Variants in NEGR1 observed in about 807,000 individuals in gnomAD.
The protein encoded by NEGR1 is neuronal growth regulator 1.
In NEGR1, 10 loss-of-function variants were observed where a neutral mutation model predicts 40.9. The observed-to-expected ratio is 0.24, with a 90% CI of 0.15 to 0.42. The LOEUF is 0.42. NEGR1 is among the 10% of genes least tolerant of loss of function. NEGR1 has a pLI of 1.00. For synonymous variants in NEGR1, 185 were observed against 166.8 expected (o/e 1.11, Z -0.84); for missense variants, 352 against 438.9 (o/e 0.80, Z 1.77).
rs1324795522 is a variant in NEGR1 at position 71,660,087 on chromosome 1, A to T, written c.667+37921T>A. ...TATGGAATCAATGTAAATGTTGATCAATAGCAGATTGGATAAAGAAAATGT... is the reference window on the plus strand; with the variant it reads ...TATGGAATCAATGTAAATGTTGATCTATAGCAGATTGGATAAAGAAAATGT... On this transcript the variant is annotated intron_variant, in intron 4 of 6. Transcript: ENST00000357731. 2.0e-5 allele frequency among the ~76,000 whole-genome samples: 3 copies of T among 152,254 alleles called. No homozygotes were observed. The East Asian group carries it at 5.8e-4, about 29-fold the overall frequency.
intron 6 of NEGR1, among the ~76,000 whole-genome samples, chr1:71,463,813 A>G (rs1646728529): frequency 1.3e-5 from 2 of 152,174 alleles, no homozygotes; most frequent in African/African-American, 4.8e-5. Flanking sequence ...ATGCAGCTAC[A>G]TATTTTGTAC....
chr1:72,089,022 A>T (rs1648346995), intron 1 of NEGR1, among the ~76,000 whole-genome samples: 3 of 152,104 alleles, frequency 2.0e-5, no homozygotes, highest in African/African-American at 7.2e-5. Context: ...AGCAGTATTA[A>T]CAGAGCCATG....
chr1:72,269,328 G>C (rs1361146258), intron 1 of NEGR1, among the ~76,000 whole-genome samples: 1 of 151,612 alleles, frequency 6.6e-6, no homozygotes, highest in Non-Finnish European at 1.5e-5. Context: ...TCAAAGGAGT[G>C]AATCAAGGTG....
intron 1 of NEGR1, among the ~76,000 whole-genome samples, chr1:72,021,356 A>G (rs941484810): frequency 3.3e-5 from 5 of 152,132 alleles, no homozygotes; most frequent in Non-Finnish European, 7.4e-5. Flanking sequence ...ATCCAAATTT[A>G]TAAGTTAAAA....
intron 2 of NEGR1, among the ~76,000 whole-genome samples, chr1:71,849,933 C>A (rs1659547820): frequency 6.6e-6 from 1 of 152,036 alleles, no homozygotes; most frequent in South Asian, 2.1e-4. Flanking sequence ...CACTGGGAAA[C>A]CCATAAAAAT....
chr1:72,218,811 A>G (rs980854658), intron 1 of NEGR1, among the ~76,000 whole-genome samples: 1 of 151,698 alleles, frequency 6.6e-6, no homozygotes, highest in South Asian at 2.1e-4. Flanking sequence ...TTTAAAATAT[A>G]AAGAGAGCCC....
chr1:71,705,853 A>G (rs1398551791), intron 3 of NEGR1, among the ~76,000 whole-genome samples: 1 of 151,692 alleles, frequency 6.6e-6, no homozygotes, highest in Non-Finnish European at 1.5e-5. Context: ...AGAAGGAAGG[A>G]AGAGAGGAAG....
chr1:71,678,813 G>A (rs183701950), intron 4 of NEGR1, among the ~76,000 whole-genome samples: 40 of 152,184 alleles, frequency 2.6e-4, no homozygotes, highest in Admixed American at 2.0e-4. Context: ...TGGCAAATTC[G>A]GGGAACTGAA....
At chr1:71,699,593 A>C (rs1449864822) in intron 3 of NEGR1, among the ~76,000 whole-genome samples, 2 of 151,948 alleles carry the variant, frequency 1.3e-5, no homozygotes, top group Non-Finnish European at 2.9e-5. Flanking sequence ...TTTTTAAAAT[A>C]TAACTTAAAT....
Position 71,397,068 on chromosome 1 carries a change from A to C in NEGR1, c.*10378T>G, listed in dbSNP as rs1646217118. 1 of 161,228 alleles carries C rather than the reference A, an allele frequency of 6.2e-6. No homozygotes were observed. The highest frequency in any genetic ancestry group is 1.3e-5 in the Non-Finnish European group (1 of 75,564). The allele number at this position is 161,228 out of a possible 1,614,324, so 10.0% of individuals were successfully genotyped here. A position where few individuals can be genotyped will look rare whatever the true frequency, so the allele number is the denominator to read the frequency against. On this transcript the variant is annotated 3_prime_UTR_variant, in exon 7 of 7. Transcript: ENST00000357731. ...GACTTGTTGAATGGTTTTGACCAAA[A>C]TGCTGATAATGATATGGACAATAAA...
At chr1:71,502,334 A>G (rs940945173) in intron 6 of NEGR1, among the ~76,000 whole-genome samples, 1 of 152,204 alleles carries the variant, frequency 6.6e-6, no homozygotes, top group Non-Finnish European at 1.5e-5. Flanking sequence ...GCAACCCCAT[A>G]GTACTCGACC....
chr1:72,218,810 TAA>T lies in NEGR1; in HGVS notation c.176+63507_176+63508del, dbSNP rs796138877. Among the ~76,000 whole-genome samples, 163 of 152,102 alleles carry T rather than the reference TAA, an allele frequency of 1.1e-3. 1 individual carries two copies. The highest frequency in any genetic ancestry group is 3.6e-3 in the African/African-American group (151 of 41,524). ...GTGACAGTTAAAAGAATTTAAAATA[TAA>T]AGAGAGCCCTATTTGTTGCAGTCTT... On this transcript the variant is annotated intron_variant, in intron 1 of 6. Coordinates refer to ENST00000357731, the MANE Select transcript of NEGR1 (RefSeq NM_173808.3).
intron 1 of NEGR1, among the ~76,000 whole-genome samples, chr1:72,231,240 G>C (rs1654353644): frequency 6.6e-6 from 1 of 152,122 alleles, no homozygotes; most frequent in Non-Finnish European, 1.5e-5. Flanking sequence ...CACAACACTT[G>C]CCTCTCCATT....
Position 72,282,451 on chromosome 1 carries a change from T to C in NEGR1, c.44A>G (p.Gln15Arg), listed in dbSNP as rs1656297205. ...LLVQGACCSN[Q>R]WLAAVLLSLC... ...GCTGAGGAGCACCGCCGCCAGCCAC[T>C]GGTTCGAGCAACAAGCACCCTGCAC... Residue 15 changes from glutamine to arginine, a missense_variant, in exon 1 of 7, where the codon CAG becomes CGG. By Grantham distance (43) the Gln-to-Arg change is conservative. Coordinates refer to ENST00000357731, the MANE Select transcript of NEGR1 (RefSeq NM_173808.3). 1.2e-6 allele frequency: 2 copies of C among 1,613,648 alleles called. No homozygotes were observed. The highest frequency in any genetic ancestry group is 1.1e-5 in the South Asian group (1 of 91,064).
chr1:71,952,344 A>T (rs2768386), intron 1 of NEGR1, among the ~76,000 whole-genome samples: 5,569 of 152,034 alleles, frequency 0.037, 344 homozygotes, highest in African/African-American at 0.13. Flanking sequence ...TATGAGGAAA[A>T]TTTTAGTGGT....
At chr1:72,039,019 C>G (rs1412336293) in intron 1 of NEGR1, among the ~76,000 whole-genome samples, 2 of 151,884 alleles carry the variant, frequency 1.3e-5, no homozygotes, top group African/African-American at 4.8e-5. Flanking sequence ...GCAGTAGAAG[C>G]TGACTTGGAT....
intron 2 of NEGR1, among the ~76,000 whole-genome samples, chr1:71,825,771 A>T (rs929428619): frequency 6.6e-6 from 1 of 151,942 alleles, no homozygotes; most frequent in Non-Finnish European, 1.5e-5. Context: ...ATAAACACTC[A>T]ATGTATATTA....
At chr1:71,756,203 G>A (rs2101693307) in intron 3 of NEGR1, among the ~76,000 whole-genome samples, 1 of 152,144 alleles carries the variant, frequency 6.6e-6, no homozygotes, top group East Asian at 1.9e-4. Context: ...GTTAGCCATT[G>A]TTCCTCTTCA....
At chr1:72,267,389 A>T (rs59263242) in intron 1 of NEGR1, among the ~76,000 whole-genome samples, 4,263 of 151,110 alleles carry the variant, frequency 0.028, 204 homozygotes, top group African/African-American at 0.097. Flanking sequence ...TTTAATGTGA[A>T]AAAAGAATAT....
Sources: allele counts gnomAD v4.1 joint callset (sites outside exome capture counted in the v4.1 genomes callset), GRCh38; gene constraint gnomAD v4.1.1; transcripts MANE v1.5; gene names NCBI Gene and HGNC (gene_info 2026-07-23, HGNC 2026-07-21).